The following RTRAF variants were observed in gnomAD, a reference collection of about 807,000 sequenced individuals.
RTRAF encodes the protein tRNA-splicing ligase complex subunit RTRAF.
RTRAF carries 14 observed loss-of-function variants against 34.4 expected under a neutral mutation model. The ratio of observed to expected loss-of-function variants is 0.41; its 90% CI spans 0.27 to 0.64. The LOEUF (loss-of-function observed/expected upper bound fraction) is 0.64. Ranked by LOEUF, RTRAF falls within the 30% of genes least tolerant of loss-of-function variation. The probability of loss-of-function intolerance (pLI) is 0.34; values close to 1 mark genes in which losing one functional copy is unlikely to be tolerated. For synonymous variants in RTRAF, 96 were observed against 95.3 expected (o/e 1.01, Z -0.04); for missense variants, 291 against 288.4 (o/e 1.01, Z -0.06).
chr14:52,004,542 CTACTTAG>C lies in RTRAF; in HGVS notation c.*30_*36del. 3 of 1,597,516 alleles carry C rather than the reference CTACTTAG, an allele frequency of 1.9e-6. No individual in the cohort carries two copies. The highest frequency in any genetic ancestry group is 1.7e-6 in the Non-Finnish European group (2 of 1,173,090). ...ACACTTGAGGACTTCAGCTTCTCAC[CTACTTAG>C]TACAGTTGGGAACCATACACTTCTG... On this transcript the variant is annotated 3_prime_UTR_variant, in exon 8 of 8. Coordinates refer to ENST00000261700, the MANE Select transcript of RTRAF (RefSeq NM_016039.3).
chr14:52,004,532 A>AGCTTCTCACCTACTTAG lies in RTRAF; in HGVS notation c.*17_*33dup. The AGCTTCTCACCTACTTAG allele has an allele frequency of 6.2e-7, 1 of 1,606,294 alleles. No homozygotes were observed. The highest frequency in any genetic ancestry group is 1.1e-5 in the South Asian group (1 of 90,560). ...TGGAAGATGAACACTTGAGGACTTC[A>AGCTTCTCACCTACTTAG]GCTTCTCACCTACTTAGTACAGTTG... On this transcript the variant is annotated 3_prime_UTR_variant, in exon 8 of 8. Transcript: ENST00000261700.
intron 3 of RTRAF, among the ~76,000 whole-genome samples, chr14:51,997,731 T>G (rs80052498): frequency 2.0e-5 from 3 of 151,710 alleles, no homozygotes; most frequent in South Asian, 2.1e-4. Context: ...TTGATTTTTT[T>G]GGGGAAAGCA....
chr14:51,998,547 A>C lies in RTRAF; in HGVS notation c.340A>C (p.Thr114Pro), dbSNP rs777392887. The C allele has an allele frequency of 1.3e-6, 2 of 1,593,848 alleles. No individual in the cohort carries two copies. Among genetic ancestry groups the C allele is most frequent in the Non-Finnish European group, 1.7e-6 (2 of 1,169,912 alleles). Residue 114 changes from threonine (T) to proline (P), a missense_variant, in exon 4 of 8, where the codon ACT becomes CCT. By Grantham distance (38) the Thr-to-Pro change is conservative (BLOSUM62 -1). Transcript: ENST00000261700. Reference sequence around the variant, plus strand: ...TAATTCAAAAACTGCTGACAATGCAACTAAAAATGCAGAACCATTGATCAA... The same window carrying C: ...TAATTCAAAAACTGCTGACAATGCACCTAAAAATGCAGAACCATTGATCAA... ...PDNSKTADNA[T>P]KNAEPLINLD...
At chr14:51,991,513 A>G (rs988720492) in intron 2 of RTRAF, 72 bp downstream of exon 2, 7 of 1,490,368 alleles carry the variant, frequency 4.7e-6, no homozygotes, top group Non-Finnish European at 6.4e-6. Context: ...GCTTAAAATT[A>G]CTTTCTTCTT....
chr14:51,991,138 C>T (rs1238128888), intron 1 of RTRAF, among the ~76,000 whole-genome samples, 179 bp from the exon 2 acceptor site: 1 of 152,168 alleles, frequency 6.6e-6, no homozygotes, highest in Non-Finnish European at 1.5e-5. Flanking sequence ...TTGAACAGAT[C>T]ATTGTTAATC....
chr14:52,000,652 T>TA (rs1417039889), intron 5 of RTRAF, among the ~76,000 whole-genome samples: 1 of 152,240 alleles, frequency 6.6e-6, no homozygotes, highest in Non-Finnish European at 1.5e-5. Context: ...CCTAAGTTAT[T>TA]AAAATTTTCT....
At position 51,989,574 on chromosome 14, in the gene RTRAF, T is replaced by A; in HGVS notation, c.-66T>A. The A allele has an allele frequency of 2.0e-6, 3 of 1,521,220 alleles. No individual in the cohort carries two copies. The highest frequency in any genetic ancestry group is 2.7e-6 in the Non-Finnish European group (3 of 1,126,190). 94.2% of individuals were successfully genotyped at this position (1,521,220 alleles called of 1,614,324 possible). ...TCGCCGCGTCGCCGGTGCCTGCGCC[T>A]CCCGCTCCACCTCGCTTCTTCTCTC... On this transcript the variant is annotated 5_prime_UTR_variant, in exon 1 of 8. Coordinates refer to ENST00000261700, the MANE Select transcript of RTRAF (RefSeq NM_016039.3).
In RTRAF at chr14:52,004,124, C is replaced by T. The variant is rs1483273500; in HGVS notation, c.532-70C>T. On this transcript the variant is annotated intron_variant, in intron 6 of 7. Transcript: ENST00000261700. ...GACACCAGAATAGCTAGGTGCTTTT[C>T]AGTTTCAGTTGAGGAAAGGATGCTA... 2.2e-6 allele frequency: 3 copies of T among 1,339,928 alleles called. No homozygotes were observed. The East Asian group carries it at 6.9e-5, about 31-fold the overall frequency. The allele number at this position is 1,339,928 out of a possible 1,614,324, so 83.0% of individuals were successfully genotyped here. A position where few individuals can be genotyped will look rare whatever the true frequency, so the allele number is the denominator to read the frequency against.
rs1890674652 is a variant in RTRAF at position 52,004,470 on chromosome 14, T to C, written c.689T>C (p.Ile230Thr). The C allele has an allele frequency of 3.7e-6, 6 of 1,613,970 alleles. No individual in the cohort carries two copies. The highest frequency in any genetic ancestry group is 4.5e-5 in the East Asian group (2 of 44,872). ...GCCATAGTAGCTGTTCAGGCAATTA[T>C]TGCTGATCCAAAGACAGACCACAGA... ...NEAIVAVQAIIADPKTDHRLG... is the reference protein window; with the variant it reads ...NEAIVAVQAITADPKTDHRLG... The change falls in exon 8 of 8, where the codon ATT becomes ACT. Residue 230 changes from isoleucine to threonine, a missense_variant. Ile to Thr is a moderately conservative substitution (Grantham distance 89). Transcript: ENST00000261700.
Position 52,006,872 on chromosome 14 carries a change from A to G in RTRAF, c.*2356A>G, listed in dbSNP as rs767456656. 1.2e-5 allele frequency: 5 copies of G among 403,120 alleles called. No individual in the cohort carries two copies. The highest frequency in any genetic ancestry group is 2.2e-5 in the Non-Finnish European group (5 of 223,008). The allele number at this position is 403,120 out of a possible 1,614,324, so 25.0% of individuals were successfully genotyped here. On this transcript the variant is annotated 3_prime_UTR_variant, in exon 8 of 8. Coordinates refer to ENST00000261700, the MANE Select transcript of RTRAF (RefSeq NM_016039.3). ...TTTCAATCCTTTTTTGGAAGACAGGATTGCATTTACTGAAATCTGGTAAGT... is the reference window on the plus strand; with the variant it reads ...TTTCAATCCTTTTTTGGAAGACAGGGTTGCATTTACTGAAATCTGGTAAGT...
rs572214757 is a variant in RTRAF at position 52,005,107 on chromosome 14, G to C, written c.*591G>C. On this transcript the variant is annotated 3_prime_UTR_variant, in exon 8 of 8. Coordinates refer to ENST00000261700, the MANE Select transcript of RTRAF (RefSeq NM_016039.3). ...GATTATATTGTTATATTGATCACAT[G>C]TGCTTTAATTTCTTGGCCAGAAGGA... The C allele has an allele frequency of 5.4e-4, 95 of 177,260 alleles. No individual in the cohort carries two copies. The highest frequency in any genetic ancestry group is 3.1e-3 in the South Asian group (17 of 5,538). 11.0% of individuals were successfully genotyped at this position (177,260 alleles called of 1,614,324 possible). A position where few individuals can be genotyped will look rare whatever the true frequency, so the allele number is the denominator to read the frequency against.
intron 4 of RTRAF, among the ~76,000 whole-genome samples, chr14:51,998,814 T>G (rs1890562092): frequency 6.6e-6 from 1 of 151,968 alleles, no homozygotes; most frequent in Non-Finnish European, 1.5e-5. Context: ...AATTTGGAGT[T>G]TTGATTTGTA....
intron 6 of RTRAF, 147 bp from the exon 7 acceptor site, chr14:52,004,047 C>T: frequency 1.4e-6 from 1 of 709,938 alleles, no homozygotes. Context: ...CATCACAAAG[C>T]AAATATAAAC....
Position 52,005,796 on chromosome 14 carries a change from A to AGAT in RTRAF, c.*1281_*1283dup, listed in dbSNP as rs1331645801. 6.2e-7 allele frequency: 1 copy of AGAT among 1,613,802 alleles called. No individual in the cohort carries two copies. Among genetic ancestry groups the AGAT allele is most frequent in the African/African-American group, 1.3e-5 (1 of 74,912 alleles). On this transcript the variant is annotated 3_prime_UTR_variant, in exon 8 of 8. Coordinates refer to ENST00000261700, the MANE Select transcript of RTRAF (RefSeq NM_016039.3). ...GTAGAGGTGAGATCGTTGTTCTGGG[A>AGAT]GATACTCATCAGTAAACTGGCCACT...
At chr14:51,989,872 C>T (rs573977687) in intron 1 of RTRAF, among the ~76,000 whole-genome samples, 172 bp downstream of exon 1, 2 of 152,380 alleles carry the variant, frequency 1.3e-5, no homozygotes, top group East Asian at 1.9e-4. Flanking sequence ...GCCGCCCCTT[C>T]CCGCCTTTAA....
Position 52,010,093 on chromosome 14 carries a change from A to T in RTRAF, c.*5577A>T, listed in dbSNP as rs532402752. On this transcript the variant is annotated 3_prime_UTR_variant, in exon 8 of 8. Coordinates refer to ENST00000261700, the MANE Select transcript of RTRAF (RefSeq NM_016039.3). ...GAGGGCTATTAATTCCTGTTAAGTC[A>T]ACTGGAATAGAGAAGGATACAGGTA... is the stretch of plus-strand genomic sequence containing the variant. The T allele has an allele frequency of 6.6e-6, 1 of 152,230 alleles. No individual in the cohort carries two copies. The highest frequency in any genetic ancestry group is 1.5e-5 in the Non-Finnish European group (1 of 68,044). 9.4% of individuals were successfully genotyped at this position (152,230 alleles called of 1,614,324 possible).
At chr14:51,993,071 A>G (rs572349716) in intron 2 of RTRAF, among the ~76,000 whole-genome samples, 2 of 152,064 alleles carry the variant, frequency 1.3e-5, no homozygotes, top group Admixed American at 6.6e-5. Context: ...ATATATGTAC[A>G]TATACACACA....
Position 52,007,589 on chromosome 14 carries a change from C to T in RTRAF, c.*3073C>T, listed in dbSNP as rs1890835172. The T allele has an allele frequency of 3.8e-6, 2 of 524,180 alleles. No homozygotes were observed. Among genetic ancestry groups the T allele is most frequent in the Non-Finnish European group, 6.7e-6 (2 of 298,310 alleles). The allele number at this position is 524,180 out of a possible 1,614,324, so 32.5% of individuals were successfully genotyped here. On this transcript the variant is annotated 3_prime_UTR_variant, in exon 8 of 8. Coordinates refer to ENST00000261700, the MANE Select transcript of RTRAF (RefSeq NM_016039.3). ...TGCCAGGCACTCATGGTCAGGCAAG[C>T]AGTACAAACTTACTGCTTGATATAT...
chr14:51,995,302 C>A (rs1890501393), intron 3 of RTRAF, among the ~76,000 whole-genome samples: 1 of 152,038 alleles, frequency 6.6e-6, no homozygotes, highest in African/African-American at 2.4e-5. Context: ...GAATCTGTTT[C>A]TTTCCTTTTT....
Sources: allele counts gnomAD v4.1 joint callset (sites outside exome capture counted in the v4.1 genomes callset), GRCh38; gene constraint gnomAD v4.1.1; transcripts MANE v1.5; gene names NCBI Gene and HGNC (gene_info 2026-07-23, HGNC 2026-07-21).